YEATS2: variants seen among roughly 807,000 people sequenced by gnomAD.
YEATS2 encodes the protein YEATS domain-containing protein 2.
Under a neutral mutation model 163.2 loss-of-function variants are expected in YEATS2, and 77 were observed. That is an observed-to-expected ratio of 0.47 (90% CI 0.39 to 0.57). The LOEUF is 0.57. Among genes scored for constraint, YEATS2 ranks in the 20% least tolerant of loss-of-function variants. The pLI, the probability that YEATS2 is intolerant of heterozygous loss-of-function variation, is 0.00. For missense variants in YEATS2, 1,549 were observed against 1,729.8 expected (o/e 0.90, Z 1.85); for synonymous variants, 631 against 645.1 (o/e 0.98, Z 0.33).
intron 1 of YEATS2, among the ~76,000 whole-genome samples, chr3:183,708,778 C>T (rs1362757244): frequency 6.6e-6 from 1 of 152,060 alleles, no homozygotes; most frequent in Non-Finnish European, 1.5e-5. Flanking sequence ...GCAGGAGGAT[C>T]ACTTGAGCCC....
intron 8 of YEATS2, among the ~76,000 whole-genome samples, chr3:183,744,482 G>T (rs1719320752): frequency 6.6e-6 from 1 of 152,078 alleles, no homozygotes; most frequent in South Asian, 2.1e-4. Flanking sequence ...ACTGGGCTCA[G>T]ACCTAGTCTC....
At chr3:183,754,070 A>T (rs1316274699) in intron 10 of YEATS2, 56 bp from the exon 11 acceptor site, 3 of 1,482,954 alleles carry the variant, frequency 2.0e-6, no homozygotes, top group Non-Finnish European at 2.7e-6. Flanking sequence ...CACAACGGTA[A>T]GGTTTTATTT....
intron 6 of YEATS2, among the ~76,000 whole-genome samples, chr3:183,727,187 ACAT>A (rs1717203967): frequency 6.6e-6 from 1 of 152,180 alleles, no homozygotes. Context: ...GAAAAAATAA[ACAT>A]AACATACACA....
intron 9 of YEATS2, among the ~76,000 whole-genome samples, chr3:183,750,519 C>T (rs768983706): frequency 5.8e-4 from 88 of 152,126 alleles, no homozygotes; most frequent in Admixed American, 5.9e-4. Context: ...TCGTGGTAGC[C>T]GCACCATTTT....
chr3:183,733,331 A>C lies in YEATS2; in HGVS notation c.813-3387A>C, dbSNP rs540165504. Among the ~76,000 whole-genome samples the C allele has an allele frequency of 3.9e-5, 6 of 152,184 alleles. No homozygotes were observed. In the South Asian group the frequency reaches 1.2e-3, roughly 31 times the overall value. ...CCCTTTTCTTTGTACAGTTGTTTAG[A>C]TACTTGAAAGCAGTTATTGGGTCTC... On this transcript the variant is annotated intron_variant, in intron 7 of 30. Transcript: ENST00000305135.
chr3:183,767,400 A>G (rs1184971820), intron 15 of YEATS2, among the ~76,000 whole-genome samples: 4 of 140,418 alleles, frequency 2.8e-5, no homozygotes, highest in South Asian at 4.7e-4. Context: ...TTTTTTTTTG[A>G]GCTGGAGTCT....
intron 6 of YEATS2, among the ~76,000 whole-genome samples, chr3:183,725,766 G>A (rs35797778): frequency 0.054 from 8,271 of 152,204 alleles, 256 homozygotes; most frequent in Middle Eastern, 0.12. Flanking sequence ...AAACCATATC[G>A]GCCATTTACT....
intron 17 of YEATS2, among the ~76,000 whole-genome samples, chr3:183,774,759 A>C (rs1046895657): frequency 1.1e-4 from 17 of 152,218 alleles, no homozygotes; most frequent in Non-Finnish European, 1.2e-4. Context: ...GCCCTTGCCA[A>C]AATGCAGTGT....
chr3:183,799,036 T>C (rs1725425204), intron 23 of YEATS2, 47 bp downstream of exon 23: 2 of 1,423,196 alleles, frequency 1.4e-6, no homozygotes, highest in Non-Finnish European at 2.0e-6. Flanking sequence ...TTGTTACTTT[T>C]TTATTGTCGT....
Sources: gnomAD v4.1 joint callset for allele counts (sites outside exome capture counted in the v4.1 genomes callset) on GRCh38, gnomAD v4.1.1 for gene constraint, MANE v1.5 for transcripts, NCBI Gene and HGNC (gene_info 2026-07-23, HGNC 2026-07-21) for gene names.